The following ZCCHC24 variants were observed in gnomAD, a reference collection of about 807,000 sequenced individuals.
The protein encoded by ZCCHC24 is zinc finger CCHC-type containing 24.
A neutral mutation model predicts 26.2 loss-of-function variants in ZCCHC24; 10 were observed. The observed-to-expected ratio is 0.38, with a 90% confidence interval of 0.24 to 0.65. The LOEUF (loss-of-function observed/expected upper bound fraction) is 0.65, where lower values mean the gene tolerates loss of function less well. ZCCHC24 is among the 30% of genes least tolerant of loss of function. ZCCHC24 has a pLI of 0.54. For missense variants in ZCCHC24, 243 were observed against 329.1 expected, an observed-to-expected ratio of 0.74 and a Z score of 2.03; for synonymous variants, 144 against 147.1, an observed-to-expected ratio of 0.98 and a Z score of 0.15.
intron 1 of ZCCHC24, among the ~76,000 whole-genome samples, chr10:79,435,641 G>A (rs1393957666): frequency 6.6e-6 from 1 of 152,232 alleles, no homozygotes; most frequent in African/African-American, 2.4e-5. Flanking sequence ...AGCCGAAAGG[G>A]TAGAGACCGT....
chr10:79,416,574 C>T (rs910557501), intron 2 of ZCCHC24, among the ~76,000 whole-genome samples: 3 of 152,214 alleles, frequency 2.0e-5, no homozygotes, highest in Non-Finnish European at 2.9e-5. Flanking sequence ...AATCCCTTGA[C>T]GTCTCTGAAG....
intron 2 of ZCCHC24, among the ~76,000 whole-genome samples, chr10:79,402,950 A>T (rs972662139): frequency 1.6e-4 from 24 of 152,216 alleles, no homozygotes; most frequent in Admixed American, 1.3e-4. Flanking sequence ...TACACTGAGC[A>T]CCCACTCTGC....
chr10:79,403,650 T>C (rs1856669298), intron 2 of ZCCHC24: 1 of 967,992 alleles, frequency 1.0e-6, no homozygotes, highest in Non-Finnish European at 1.2e-6. Context: ...ACAGCCGTCC[T>C]CGCCTCCTTG....
chr10:79,433,846 A>C (rs1857177217), intron 1 of ZCCHC24, among the ~76,000 whole-genome samples: 1 of 152,212 alleles, frequency 6.6e-6, no homozygotes, highest in African/African-American at 2.4e-5. Flanking sequence ...ACAGAAGCCC[A>C]GGTTGGGGAC....
chr10:79,392,000 A>G (rs1209202959), intron 3 of ZCCHC24, among the ~76,000 whole-genome samples: 3 of 149,876 alleles, frequency 2.0e-5, no homozygotes, highest in Non-Finnish European at 4.4e-5. Context: ...CTCTCCTTCC[A>G]TTCCACTGGC....
At chr10:79,432,824 CA>C in intron 1 of ZCCHC24, 66 bp from the exon 2 acceptor site, 3 of 1,509,216 alleles carry the variant, frequency 2.0e-6, no homozygotes, top group Non-Finnish European at 2.7e-6. Context: ...ACCCCCCACC[CA>C]AACACACGCA....
chr10:79,432,409 G>C (rs1857143813), intron 2 of ZCCHC24, 149 bp downstream of exon 2: 7 of 822,552 alleles, frequency 8.5e-6, no homozygotes, highest in Non-Finnish European at 1.2e-5. Flanking sequence ...ATCCCAGCAG[G>C]GACAAAAGGG....
intron 2 of ZCCHC24, among the ~76,000 whole-genome samples, chr10:79,421,004 T>C (rs1856926167): frequency 6.6e-6 from 1 of 152,174 alleles, no homozygotes. Flanking sequence ...GCACTGCTGC[T>C]ACAAGGCGGC....
chr10:79,428,880 A>G (rs1164401149), intron 2 of ZCCHC24, among the ~76,000 whole-genome samples: 2 of 152,182 alleles, frequency 1.3e-5, no homozygotes, highest in Non-Finnish European at 1.5e-5. Context: ...CAAATTAGAT[A>G]AAATGGAAAA....
Position 79,400,463 on chromosome 10 carries a change from C to T in ZCCHC24, c.448-6023G>A, listed in dbSNP as rs960608331. On this transcript the variant is annotated intron_variant, in intron 2 of 3. Coordinates refer to ENST00000372336, the MANE Select transcript of ZCCHC24 (RefSeq NM_153367.4). Reference sequence around the variant, plus strand: ...TTATAAAGAGAGCAGGATAAGCAACCGAAGATAACCGCTGCACAAGAACAG... The same window carrying T: ...TTATAAAGAGAGCAGGATAAGCAACTGAAGATAACCGCTGCACAAGAACAG... Among the ~76,000 whole-genome samples, 8 of 152,178 alleles carry T rather than the reference C, an allele frequency of 5.3e-5. No individual in the cohort carries two copies. The South Asian group carries it at 8.3e-4, about 16-fold the overall frequency.
rs1200739472 is a variant in ZCCHC24 at position 79,445,280 on chromosome 10, G to C, written c.161C>G (p.Ala54Gly). Residue 54 changes from alanine to glycine, a missense_variant, in exon 1 of 4, where the codon GCC becomes GGC. Ala to Gly is a moderately conservative substitution (Grantham distance 60). Transcript: ENST00000372336. ...PTAGAAPPEL[A>G]FGKGRPEQLG... ...CTGCTCGGGGCGGCCCTTGCCGAAG[G>C]CCAGCTCCGGGGGTGCGGCGCCGGC... The C allele has an allele frequency of 6.8e-7, 1 of 1,473,130 alleles. No homozygotes were observed. Among genetic ancestry groups the C allele is most frequent in the African/African-American group, 1.5e-5 (1 of 68,348 alleles). The allele number at this position is 1,473,130 out of a possible 1,614,324, so 91.3% of individuals were successfully genotyped here.
rs369835387 is a variant in ZCCHC24 at position 79,435,389 on chromosome 10, C to T, written c.247-2631G>A. On this transcript the variant is annotated intron_variant, in intron 1 of 3. Coordinates refer to ENST00000372336, the MANE Select transcript of ZCCHC24 (RefSeq NM_153367.4). ...GCGGCCACAGTCCCCTGCCCACGGA[C>T]GGCCCCACAGGCATCCCTGGGCAGC... 3.3e-3 allele frequency among the ~76,000 whole-genome samples: 507 copies of T among 152,276 alleles called. 2 individuals carry two copies. The highest frequency in any genetic ancestry group is 8.9e-3 in the African/African-American group (368 of 41,560).
intron 1 of ZCCHC24, among the ~76,000 whole-genome samples, chr10:79,434,967 C>G (rs956334184): frequency 3.3e-5 from 5 of 152,114 alleles, no homozygotes; most frequent in Non-Finnish European, 4.4e-5. Context: ...CAGCCCCACC[C>G]AGCCTTGGAG....
intron 2 of ZCCHC24, among the ~76,000 whole-genome samples, chr10:79,419,139 T>C (rs1856906746): frequency 6.6e-6 from 1 of 152,106 alleles, no homozygotes; most frequent in African/African-American, 2.4e-5. Flanking sequence ...TTCCCAGGTA[T>C]CCGGGCTGCT....
intron 2 of ZCCHC24, among the ~76,000 whole-genome samples, chr10:79,419,059 G>A (rs1257228409): frequency 2.6e-5 from 4 of 152,246 alleles, no homozygotes; most frequent in African/African-American, 9.6e-5. Context: ...ATGTGTCTGC[G>A]TGCATGCATG....
intron 2 of ZCCHC24, among the ~76,000 whole-genome samples, chr10:79,415,067 G>A (rs913297172): frequency 1.3e-5 from 2 of 152,092 alleles, no homozygotes; most frequent in African/African-American, 4.8e-5. Context: ...TCTGCCCCTG[G>A]GGTATTCCTA....
At chr10:79,403,122 C>T (rs1341897802) in intron 2 of ZCCHC24, among the ~76,000 whole-genome samples, 1 of 152,250 alleles carries the variant, frequency 6.6e-6, no homozygotes, top group Non-Finnish European at 1.5e-5. Flanking sequence ...GCCACATACT[C>T]CTGGGCTCAA....
At chr10:79,392,625 G>A (rs1189349032) in intron 3 of ZCCHC24, among the ~76,000 whole-genome samples, 1 of 152,176 alleles carries the variant, frequency 6.6e-6, no homozygotes, top group South Asian at 2.1e-4. Context: ...CTCCTTCCCA[G>A]TTGCGGCCAC....
chr10:79,409,295 G>T (rs771407847), intron 2 of ZCCHC24: 2 of 152,268 alleles, frequency 1.3e-5, no homozygotes, highest in Non-Finnish European at 2.9e-5. Flanking sequence ...CCCTGGCTGC[G>T]GAAGCTCTTT....
Sources: gnomAD v4.1 joint callset for allele counts (sites outside exome capture counted in the v4.1 genomes callset) on GRCh38, gnomAD v4.1.1 for gene constraint, MANE v1.5 for transcripts, NCBI Gene and HGNC (gene_info 2026-07-23, HGNC 2026-07-21) for gene names.